ZNF451: variants seen among roughly 807,000 people sequenced by gnomAD.
ZNF451 encodes the protein zinc finger protein 451, also known as E3 SUMO-protein ligase ZNF451.
In ZNF451, 80 loss-of-function variants were observed where a neutral mutation model predicts 107.1. That is an observed-to-expected ratio of 0.75 (90% confidence interval 0.62 to 0.90). The LOEUF (loss-of-function observed/expected upper bound fraction) is 0.90. Ranked by LOEUF, ZNF451 falls within the 40% of genes least tolerant of loss-of-function variation. The pLI, the probability that ZNF451 is intolerant of heterozygous loss-of-function variation, is 0.00. For synonymous variants in ZNF451, 362 were observed against 406.5 expected, an observed-to-expected ratio of 0.89 and a Z score of 1.32; for missense variants, 1,107 against 1,236.2, an observed-to-expected ratio of 0.90 and a Z score of 1.57.
At chr6:57,137,531 T>G (rs1442119385) in intron 7 of ZNF451, among the ~76,000 whole-genome samples, 1 of 152,244 alleles carries the variant, frequency 6.6e-6, no homozygotes, top group African/African-American at 2.4e-5. Context: ...CCTTGAGTCA[T>G]ACTTTGAGTA....
chr6:57,148,638 A>T lies in ZNF451; in HGVS notation c.2553A>T (p.Ser851=), dbSNP rs185914393. 1 of 1,613,900 alleles carries T rather than the reference A, an allele frequency of 6.2e-7. No individual in the cohort carries two copies. Among genetic ancestry groups the T allele is most frequent in the East Asian group, 2.2e-5 (1 of 44,880 alleles). The change falls in exon 10 of 15, where the codon TCA becomes TCT. Residue 851 remains serine, a synonymous_variant. Coordinates refer to ENST00000370706, the MANE Select transcript of ZNF451 (RefSeq NM_001031623.3). ...AACTGAAACAGGCAATAAACTATTC[A>T]AAAAGTTTAGACATGGAGAAAGGAG... is the stretch of plus-strand genomic sequence containing the variant. ...ERKLKQAINY[S]KSLDMEKGVE...
intron 3 of ZNF451, chr6:57,103,429 T>G: frequency 1.0e-6 from 1 of 985,406 alleles, no homozygotes; most frequent in Non-Finnish European, 1.2e-6. Flanking sequence ...TTGCTCCCAA[T>G]TGGTCCCATT....
chr6:57,124,830 C>T lies in ZNF451; in HGVS notation c.283C>T (p.Gln95Ter). The change falls in exon 4 of 15, where the codon CAG becomes TAG. Residue 95 changes from glutamine to a stop codon, truncating the protein, a stop_gained. Coordinates refer to ENST00000370706, the MANE Select transcript of ZNF451 (RefSeq NM_001031623.3). LOFTEE classifies it high-confidence loss of function. ...LARHVEVEKQ[Q>*]KEEKNRAFRE... ...CCGCCATGTTGAAGTGGAGAAACAG[C>T]AGAAAGAAGAGAAGAATAGAGCATT... The T allele has an allele frequency of 6.2e-7, 1 of 1,609,986 alleles. No individual in the cohort carries two copies. Among genetic ancestry groups the T allele is most frequent in the Non-Finnish European group, 8.5e-7 (1 of 1,177,472 alleles).
At chr6:57,135,183 G>C in intron 7 of ZNF451, among the ~76,000 whole-genome samples, 2 of 152,066 alleles carry the variant, frequency 1.3e-5, no homozygotes, top group East Asian at 3.9e-4. Flanking sequence ...CTGTTCTTAA[G>C]TCCACTGTCT....
intron 3 of ZNF451, chr6:57,103,442 T>C (rs569491157): frequency 1.0e-6 from 1 of 985,442 alleles, no homozygotes; most frequent in Non-Finnish European, 1.2e-6. Flanking sequence ...GTCCCATTAA[T>C]AGTTTTTCAC....
At chr6:57,128,580 T>C (rs1831036435) in intron 4 of ZNF451, 149 bp from the exon 5 acceptor site, 1 of 603,768 alleles carries the variant, frequency 1.7e-6, no homozygotes, top group South Asian at 2.1e-5. Flanking sequence ...GCATTTTTAT[T>C]TTGATGTATT....
At chr6:57,136,402 A>G (rs889856641) in intron 7 of ZNF451, among the ~76,000 whole-genome samples, 2 of 152,152 alleles carry the variant, frequency 1.3e-5, no homozygotes, top group Non-Finnish European at 2.9e-5. Context: ...GGATTCAAAG[A>G]TGTGGACAAA....
At chr6:57,107,268 G>A (rs1189242086) in intron 3 of ZNF451, 1 of 985,112 alleles carries the variant, frequency 1.0e-6, no homozygotes, top group African/African-American at 1.7e-5. Flanking sequence ...TAATCGCTTT[G>A]ATGTAGATGA....
At chr6:57,141,177 T>G in intron 7 of ZNF451, 125 bp from the exon 8 acceptor site, 1 of 755,222 alleles carries the variant, frequency 1.3e-6, no homozygotes, top group Non-Finnish European at 1.9e-6. Context: ...GAAGAACATC[T>G]TTCATGTTAA....
At chr6:57,120,258 A>G (rs771441542) in intron 3 of ZNF451, among the ~76,000 whole-genome samples, 13 of 152,166 alleles carry the variant, frequency 8.5e-5, no homozygotes, top group African/African-American at 2.4e-5. Context: ...TGATAGCTCA[A>G]TTCTTTTTAG....
At chr6:57,112,986 TC>T (rs1440481375) in intron 3 of ZNF451, among the ~76,000 whole-genome samples, 2 of 152,180 alleles carry the variant, frequency 1.3e-5, no homozygotes, top group Non-Finnish European at 2.9e-5. Flanking sequence ...AGCTTTTTGT[TC>T]CTTTTTCTTT....
chr6:57,147,331 C>G lies in ZNF451; in HGVS notation c.1246C>G (p.His416Asp), dbSNP rs962682139. The G allele has an allele frequency of 1.2e-5, 20 of 1,614,090 alleles. No homozygotes were observed. The highest frequency in any genetic ancestry group is 1.5e-5 in the Non-Finnish European group (18 of 1,179,984). The change falls in exon 10 of 15, where the codon CAT becomes GAT. Residue 416 changes from histidine to aspartate, a missense_variant. Transcript: ENST00000370706. ...EGNKDPSSDL[H>D]LLLDQSKFSS... is the part of the protein sequence containing the mutation. ...GAACAAGGATCCTTCTTCTGACTTG[C>G]ATTTATTGTTGGATCAATCAAAATT...
intron 3 of ZNF451, chr6:57,102,961 GGTAGTCTCTCACT>G: frequency 6.1e-6 from 6 of 985,374 alleles, no homozygotes; most frequent in Non-Finnish European, 7.2e-6. Flanking sequence ...ACTGAGTCAT[GGTAGTCTCTCACT>G]GTAAGCTGGG....
intron 13 of ZNF451, chr6:57,158,770 G>A: frequency 1.0e-6 from 1 of 985,408 alleles, no homozygotes. Context: ...AATTTTTGTT[G>A]AATCTGTATG....
chr6:57,097,250 T>TA (rs1167394599), intron 2 of ZNF451, among the ~76,000 whole-genome samples: 1 of 152,202 alleles, frequency 6.6e-6, no homozygotes, highest in Non-Finnish European at 1.5e-5. Flanking sequence ...TTTATCTTGG[T>TA]ATCTGAATTA....
chr6:57,152,241 C>T lies in ZNF451; in HGVS notation c.2773C>T (p.Pro925Ser). The change falls in exon 12 of 15, where the codon CCT (proline) becomes TCT (serine). Residue 925 changes from proline (P) to serine (S), a missense_variant. Coordinates refer to ENST00000370706, the MANE Select transcript of ZNF451 (RefSeq NM_001031623.3). Reference protein sequence around the residue: ...GFQGGNTNWKPPLNCKIYNYL... With the variant: ...GFQGGNTNWKSPLNCKIYNYL... ...AATAGGAGGAAACACCAATTGGAAG[C>T]CTCCGCTCAACTGTAAGATTTATAA... 1 of 1,612,276 alleles carries T rather than the reference C, an allele frequency of 6.2e-7. No homozygotes were observed. The highest frequency in any genetic ancestry group is 2.2e-5 in the East Asian group (1 of 44,814).
chr6:57,114,623 AATAG>A (rs1299506873), intron 3 of ZNF451, among the ~76,000 whole-genome samples: 2 of 152,172 alleles, frequency 1.3e-5, no homozygotes, highest in Non-Finnish European at 2.9e-5. Flanking sequence ...ACAATTTACT[AATAG>A]ATTATGTTCC....
intron 7 of ZNF451, among the ~76,000 whole-genome samples, chr6:57,138,565 C>CT (rs1831556416): frequency 6.6e-6 from 1 of 150,390 alleles, no homozygotes; most frequent in Admixed American, 6.6e-5. Context: ...CCCAGCCCTA[C>CT]TTTTTTTATT....
chr6:57,120,892 G>A (rs1187294914), intron 3 of ZNF451, among the ~76,000 whole-genome samples: 2 of 152,094 alleles, frequency 1.3e-5, no homozygotes, highest in Admixed American at 1.3e-4. Context: ...GTTTAATGAA[G>A]TGCAGCTTAT....
Sources: gnomAD v4.1 joint callset for allele counts (sites outside exome capture counted in the v4.1 genomes callset) on GRCh38, gnomAD v4.1.1 for gene constraint, MANE v1.5 for transcripts, NCBI Gene and HGNC (gene_info 2026-07-23, HGNC 2026-07-21) for gene names.